The following NLGN4X variants were observed in gnomAD, a reference collection of about 807,000 sequenced individuals.
NLGN4X encodes neuroligin-4, X-linked.
Under a neutral mutation model 40.3 loss-of-function variants are expected in NLGN4X, and 3 were observed. The ratio of observed to expected loss-of-function variants is 0.07; its 90% confidence interval spans 0.03 to 0.19. NLGN4X has a LOEUF of 0.19. Ranked by LOEUF, NLGN4X falls within the 10% of genes least tolerant of loss-of-function variation. The pLI is 1.00. For missense variants in NLGN4X, 382 were observed against 708.3 expected, an observed-to-expected ratio of 0.54 and a Z score of 5.23; for synonymous variants, 270 against 306.8, an observed-to-expected ratio of 0.88 and a Z score of 1.25.
At chrX:6,029,125 G>A (rs1415884130) in intron 3 of NLGN4X, among the ~76,000 whole-genome samples, 155 bp downstream of exon 3, 1 of 112,220 alleles carries the variant, frequency 8.9e-6, no homozygotes, top group Non-Finnish European at 1.9e-5. Context: ...GTAGTAAAAG[G>A]AATAAACATA....
chrX:6,182,490 C>T (rs1288485217), intron 1 of NLGN4X, among the ~76,000 whole-genome samples: 1 of 111,942 alleles, frequency 8.9e-6, no homozygotes, highest in Non-Finnish European at 1.9e-5. Context: ...ATCAATCATA[C>T]GATTATAGCA....
intron 2 of NLGN4X, among the ~76,000 whole-genome samples, chrX:6,068,035 A>G (rs1244902580): frequency 8.9e-6 from 1 of 111,743 alleles, no homozygotes; most frequent in African/African-American, 3.3e-5. Flanking sequence ...CTTTGTGTCT[A>G]CCGTATAGTT....
At chrX:6,137,263 T>C (rs926129818) in intron 2 of NLGN4X, among the ~76,000 whole-genome samples, 1 of 112,053 alleles carries the variant, frequency 8.9e-6, no homozygotes, top group African/African-American at 3.2e-5. Flanking sequence ...GTTCTCCCTG[T>C]TTCTGTCTTT....
chrX:6,049,970 T>C (rs2037439778), intron 2 of NLGN4X, among the ~76,000 whole-genome samples: 1 of 111,232 alleles, frequency 9.0e-6, no homozygotes, highest in Non-Finnish European at 1.9e-5. Flanking sequence ...ATACAATTAA[T>C]GCAATGGAAT....
intron 2 of NLGN4X, among the ~76,000 whole-genome samples, chrX:6,053,821 T>C (rs6654810): frequency 0.011 from 1,202 of 112,382 alleles, 14 homozygotes; most frequent in African/African-American, 0.037. Context: ...TCTATTTCAG[T>C]AGGATGCTTT....
chrX:6,069,148 C>A (rs1254112220), intron 2 of NLGN4X, among the ~76,000 whole-genome samples: 2 of 110,316 alleles, frequency 1.8e-5, no homozygotes, highest in East Asian at 5.8e-4. Flanking sequence ...GTTAGCCTGG[C>A]GTGGTGGCAG....
At chrX:5,963,175 G>C (rs2034719223) in intron 3 of NLGN4X, among the ~76,000 whole-genome samples, 1 of 110,898 alleles carries the variant, frequency 9.0e-6, no homozygotes, top group Non-Finnish European at 1.9e-5. Flanking sequence ...AAAAAAAAGA[G>C]AAGAGCTGTA....
chrX:6,156,443 A>C (rs1457411629), intron 1 of NLGN4X, among the ~76,000 whole-genome samples: 3 of 111,780 alleles, frequency 2.7e-5, no homozygotes, highest in Non-Finnish European at 3.8e-5. Flanking sequence ...CAGGAGGCGG[A>C]GCTTGCAGTG....
chrX:5,979,003 T>TAC (rs1473639436), intron 3 of NLGN4X, among the ~76,000 whole-genome samples: 1 of 110,754 alleles, frequency 9.0e-6, no homozygotes, highest in Non-Finnish European at 1.9e-5. Flanking sequence ...TATACACATA[T>TAC]ACACACACAC....
chrX:6,001,057 G>A (rs1474568039), intron 3 of NLGN4X, among the ~76,000 whole-genome samples: 2 of 111,516 alleles, frequency 1.8e-5, no homozygotes, highest in African/African-American at 3.3e-5. Flanking sequence ...GCAAGGAGAA[G>A]TGCTGAGCAA....
intron 3 of NLGN4X, among the ~76,000 whole-genome samples, chrX:5,943,447 G>A (rs2034018681): frequency 8.9e-6 from 1 of 111,897 alleles, no homozygotes; most frequent in African/African-American, 3.2e-5. Flanking sequence ...TCAGAATGGT[G>A]AGATAACAAA....
chrX:6,153,207 C>CT (rs1035706502), intron 1 of NLGN4X, among the ~76,000 whole-genome samples: 243 of 104,096 alleles, frequency 2.3e-3, no homozygotes, highest in African/African-American at 6.1e-3. Flanking sequence ...CATCACATGG[C>CT]TTTTTTTTTT....
intron 2 of NLGN4X, among the ~76,000 whole-genome samples, chrX:6,120,228 T>C (rs767552412): frequency 9.0e-6 from 1 of 111,480 alleles, no homozygotes; most frequent in African/African-American, 3.3e-5. Context: ...AGACCTATAA[T>C]GAAGAGGGAC....
At chrX:6,142,231 A>G (rs780788983) in intron 2 of NLGN4X, among the ~76,000 whole-genome samples, 2 of 112,327 alleles carry the variant, frequency 1.8e-5, no homozygotes, top group Admixed American at 9.5e-5. Flanking sequence ...ATATTTCTTA[A>G]TTATTCAAAC....
At chrX:6,202,338 C>CTTT (rs112598776) in intron 1 of NLGN4X, among the ~76,000 whole-genome samples, 1 of 92,696 alleles carries the variant, frequency 1.1e-5, no homozygotes. Flanking sequence ...TTTTCATTTT[C>CTTT]TTTTTTTTTT....
intron 3 of NLGN4X, among the ~76,000 whole-genome samples, chrX:5,947,455 G>A (rs1447450468): frequency 8.9e-6 from 1 of 112,083 alleles, no homozygotes; most frequent in African/African-American, 3.2e-5. Flanking sequence ...AATTTGGGGG[G>A]AAAGTGGAGT....
chrX:5,933,125 TA>T lies in NLGN4X; in HGVS notation c.626-23887del, dbSNP rs903215992. Among the ~76,000 whole-genome samples, 13 of 108,863 alleles carry T rather than the reference TA, an allele frequency of 1.2e-4. No individual in the cohort carries two copies. The South Asian group carries it at 1.5e-3, about 13-fold the overall frequency. 94.5% of individuals were successfully genotyped at this position (108,863 alleles called of 115,157 possible). ...AAAAATTTAATACTATAGGCCAAGT[TA>T]AAAAAAAAGATCAAAAAGAGATTCA... On this transcript the variant is annotated intron_variant, in intron 3 of 5. Coordinates refer to ENST00000381095, the MANE Select transcript of NLGN4X (RefSeq NM_181332.3).
intron 4 of NLGN4X, 54 bp from the exon 5 acceptor site, chrX:5,903,920 A>G: frequency 8.5e-7 from 1 of 1,179,876 alleles, no homozygotes; most frequent in East Asian, 3.0e-5. Flanking sequence ...ACAGAAATGC[A>G]GCTTTTACTG....
chrX:6,025,627 G>C (rs1269448595), intron 3 of NLGN4X, among the ~76,000 whole-genome samples: 1 of 111,903 alleles, frequency 8.9e-6, no homozygotes, highest in Non-Finnish European at 1.9e-5. Flanking sequence ...TTTTTGGCCA[G>C]GCACAGTAGC....
Sources: gnomAD v4.1 joint callset for allele counts (sites outside exome capture counted in the v4.1 genomes callset) on GRCh38, gnomAD v4.1.1 for gene constraint, MANE v1.5 for transcripts, NCBI Gene and HGNC (gene_info 2026-07-23, HGNC 2026-07-21) for gene names.